Variants in UBR2 observed in about 807,000 individuals in gnomAD.
UBR2 encodes the protein ubiquitin protein ligase E3 component n-recognin 2.
Under a neutral mutation model 247.9 loss-of-function variants are expected in UBR2, and 92 were observed. That is an observed-to-expected ratio of 0.37 (90% CI 0.31 to 0.44). The LOEUF (loss-of-function observed/expected upper bound fraction) is 0.44. Ranked by LOEUF, UBR2 falls within the 20% of genes least tolerant of loss-of-function variation. UBR2 has a pLI of 1.00. For missense variants in UBR2, 1,613 were observed against 2,112.6 expected (o/e 0.76, Z 4.64); for synonymous variants, 672 against 693.5 (o/e 0.97, Z 0.49).
At chr6:42,589,051 G>T (rs1454378911) in intron 2 of UBR2, among the ~76,000 whole-genome samples, 1 of 152,056 alleles carries the variant, frequency 6.6e-6, no homozygotes, top group East Asian at 1.9e-4. Context: ...CGAGATCATA[G>T]CTCACAGCAG....
rs752408070 is a variant in UBR2 at position 42,573,892 on chromosome 6, T to C, written c.237T>C (p.Gly79=). The change falls in exon 2 of 47, where the codon GGT becomes GGC. Residue 79 remains glycine (G), a synonymous_variant. Transcript: ENST00000372901. ...GACCAATGGAATGGTACCTTTGTGGTGAAGATCCTGCATTTGGATTTCCAA... is the reference window on the plus strand; with the variant it reads ...GACCAATGGAATGGTACCTTTGTGGCGAAGATCCTGCATTTGGATTTCCAA... ...LLGPMEWYLC[G]EDPAFGFPKL... The C allele has an allele frequency of 1.9e-6, 3 of 1,613,966 alleles. No homozygotes were observed. The highest frequency in any genetic ancestry group is 2.7e-5 in the African/African-American group (2 of 74,920).
intron 11 of UBR2, among the ~76,000 whole-genome samples, chr6:42,624,460 G>C (rs141816893): frequency 6.2e-4 from 94 of 152,052 alleles, no homozygotes; most frequent in African/African-American, 2.2e-3. Context: ...TATTGCTTTT[G>C]TAATTGCCCA....
At chr6:42,602,921 A>G (rs912673549) in intron 4 of UBR2, among the ~76,000 whole-genome samples, 6 of 152,138 alleles carry the variant, frequency 3.9e-5, no homozygotes, top group African/African-American at 1.4e-4. Context: ...GATGAAAGAT[A>G]GTGCAAAACA....
rs1010761958 is a variant in UBR2 at position 42,670,092 on chromosome 6, G to A, written c.3882G>A (p.Lys1294=). 1 of 1,613,650 alleles carries A rather than the reference G, an allele frequency of 6.2e-7. No individual in the cohort carries two copies. The highest frequency in any genetic ancestry group is 8.5e-7 in the Non-Finnish European group (1 of 1,179,690). ...PEGFRPDFRP[K]IPYSESIKEM... ...CTAATTTTATACATGTTTACTTCAG[G>A]ATCCCTTATTCTGAGAGCATAAAAG... The change falls in exon 35 of 47, where the codon AAG becomes AAA. Residue 1294 remains lysine (K), a splice_region_variant and synonymous_variant. Transcript: ENST00000372901.
chr6:42,674,251 GT>G, intron 38 of UBR2, 58 bp downstream of exon 38: 1 of 1,544,734 alleles, frequency 6.5e-7, no homozygotes, highest in Non-Finnish European at 8.9e-7. Context: ...TTTACCTTAG[GT>G]TTGGTGAGCA....
chr6:42,678,132 C>G (rs962283835), intron 40 of UBR2, among the ~76,000 whole-genome samples: 17 of 151,296 alleles, frequency 1.1e-4, no homozygotes, highest in South Asian at 2.1e-4. Context: ...ATCAGGAGAT[C>G]GAGACCATCC....
rs560052068 is a variant in UBR2 at position 42,668,939 on chromosome 6, T to C, written c.3882-1153T>C. ...TATTACTACTTTTTTTTTTTCTTTT[T>C]TGAGACAGAGTGTTGTTCTTGTCAC... On this transcript the variant is annotated intron_variant, in intron 34 of 46. Coordinates refer to ENST00000372901, the MANE Select transcript of UBR2 (RefSeq NM_001363705.2). Among the ~76,000 whole-genome samples, 3 of 152,182 alleles carry C rather than the reference T, an allele frequency of 2.0e-5. No individual in the cohort carries two copies. In the South Asian group the frequency reaches 6.2e-4, roughly 32 times the overall value.
intron 15 of UBR2, among the ~76,000 whole-genome samples, chr6:42,638,184 G>A (rs1353087696): frequency 7.2e-5 from 11 of 151,992 alleles, no homozygotes; most frequent in Non-Finnish European, 1.3e-4. Context: ...TAATAGATAC[G>A]GGCCTGTTTA....
intron 2 of UBR2, among the ~76,000 whole-genome samples, chr6:42,578,407 A>T (rs73436693): frequency 0.022 from 3,318 of 152,240 alleles, 110 homozygotes; most frequent in African/African-American, 0.075. Context: ...TCTATCCAGC[A>T]ACAGAATAGG....
chr6:42,567,824 C>T lies in UBR2; in HGVS notation c.78+3427C>T, dbSNP rs1369321125. On this transcript the variant is annotated intron_variant, in intron 1 of 46. Transcript: ENST00000372901. Reference sequence around the variant, plus strand: ...GCTGAGGTGGGAGGACTGCTTAAGTCTAAGAGTTTGAGACCAGCCTGGGCA... The same window carrying T: ...GCTGAGGTGGGAGGACTGCTTAAGTTTAAGAGTTTGAGACCAGCCTGGGCA... 3.3e-5 allele frequency among the ~76,000 whole-genome samples: 5 copies of T among 152,056 alleles called. No homozygotes were observed. The East Asian group carries it at 9.7e-4, about 30-fold the overall frequency.
intron 40 of UBR2, among the ~76,000 whole-genome samples, chr6:42,677,772 A>G (rs1012787351): frequency 2.0e-5 from 3 of 152,228 alleles, no homozygotes; most frequent in African/African-American, 4.8e-5. Context: ...CCCTGTCTCA[A>G]AAAGAAAAAG....
chr6:42,594,822 C>T (rs1303468896), intron 4 of UBR2, among the ~76,000 whole-genome samples: 1 of 152,088 alleles, frequency 6.6e-6, no homozygotes, highest in Non-Finnish European at 1.5e-5. Context: ...GTTGATCCTG[C>T]ATTATTTTTC....
chr6:42,614,404 G>GTATC (rs372482129), intron 8 of UBR2, among the ~76,000 whole-genome samples: 3 of 114,682 alleles, frequency 2.6e-5, no homozygotes, highest in Admixed American at 8.7e-5. Flanking sequence ...ACATACATAC[G>GTATC]TATGTATGTA....
chr6:42,588,242 G>T (rs1792421143), intron 2 of UBR2, among the ~76,000 whole-genome samples: 1 of 152,234 alleles, frequency 6.6e-6, no homozygotes, highest in Non-Finnish European at 1.5e-5. Context: ...ACAGCCAGAT[G>T]GAAGAGACTT....
At chr6:42,614,342 GTGTATGTATGTGTGTATATA>G (rs1423229857) in intron 8 of UBR2, among the ~76,000 whole-genome samples, 3 of 24,214 alleles carry the variant, frequency 1.2e-4, no homozygotes, top group Non-Finnish European at 3.2e-4. Flanking sequence ...ATGTGTATGT[GTGTATGTATGTGTGTATATA>G]TGTGTGTATG....
At position 42,640,252 on chromosome 6, in the gene UBR2, T is replaced by G; in HGVS notation, c.1902T>G (p.Phe634Leu). The G allele has an allele frequency of 6.2e-7, 1 of 1,608,216 alleles. No individual in the cohort carries two copies. Among genetic ancestry groups the G allele is most frequent in the African/African-American group, 1.3e-5 (1 of 74,646 alleles). Reference protein sequence around the residue: ...LLSKSEVAYKFPELLPLSELS... With the variant: ...LLSKSEVAYKLPELLPLSELS... ...GCAAAAGTGAAGTGGCATATAAATT[T>G]CCAGAGCTCCTACCTCTAGTAAGTG... The change falls in exon 16 of 47, where the codon TTT becomes TTG. Residue 634 changes from phenylalanine (F) to leucine (L), a missense_variant. This residue lies in a region of UBR2 where 1,524 missense variants were observed against 1,967.3 expected (regional missense o/e 0.77). Coordinates refer to ENST00000372901, the MANE Select transcript of UBR2 (RefSeq NM_001363705.2).
At chr6:42,671,676 C>G (rs531878281) in intron 36 of UBR2, among the ~76,000 whole-genome samples, 11 of 152,276 alleles carry the variant, frequency 7.2e-5, no homozygotes, top group Admixed American at 3.9e-4. Flanking sequence ...TTCTGAAACT[C>G]AATTTTCCCT....
rs541772717 is a variant in UBR2, at chr6:42,576,817, G to A, written c.338+2824G>A. On this transcript the variant is annotated intron_variant, in intron 2 of 46. Coordinates refer to ENST00000372901, the MANE Select transcript of UBR2 (RefSeq NM_001363705.2). Reference sequence around the variant, plus strand: ...ATTAAAGGCCTGAGCCACCGTGCCCGGCCTCCCTCCTGTTTTGTTAGGGCA... The same window carrying A: ...ATTAAAGGCCTGAGCCACCGTGCCCAGCCTCCCTCCTGTTTTGTTAGGGCA... 6.1e-4 allele frequency among the ~76,000 whole-genome samples: 93 copies of A among 152,124 alleles called. 1 individual carries two copies. The highest frequency in any genetic ancestry group is 5.6e-3 in the South Asian group (27 of 4,814).
chr6:42,567,377 C>T (rs1465071785), intron 1 of UBR2, among the ~76,000 whole-genome samples: 3 of 152,172 alleles, frequency 2.0e-5, no homozygotes, highest in Non-Finnish European at 4.4e-5. Context: ...CACTTCTTGG[C>T]TCTGTTTACT....
Sources: gnomAD v4.1 joint callset for allele counts (sites outside exome capture counted in the v4.1 genomes callset) on GRCh38, gnomAD v4.1.1 for gene constraint, gnomAD v4.1.1 regional missense constraint, MANE v1.5 for transcripts, NCBI Gene and HGNC (gene_info 2026-07-23, HGNC 2026-07-21) for gene names.